Variants in EYA2 observed in about 807,000 individuals in gnomAD.
EYA2 encodes protein phosphatase EYA2.
In EYA2, 31 loss-of-function variants were observed where a neutral mutation model predicts 69.2. The ratio of observed to expected loss-of-function variants is 0.45; its 90% confidence interval spans 0.34 to 0.60. EYA2 has a LOEUF of 0.60. Among genes scored for constraint, EYA2 ranks in the 20% least tolerant of loss-of-function variants. EYA2 has a pLI of 0.02. For missense variants in EYA2, 622 were observed against 701.2 expected (o/e 0.89, Z 1.28); for synonymous variants, 257 against 279.4 (o/e 0.92, Z 0.80).
At chr20:46,926,882 A>C (rs1410686745) in intron 1 of EYA2, among the ~76,000 whole-genome samples, 2 of 152,222 alleles carry the variant, frequency 1.3e-5, no homozygotes, top group Non-Finnish European at 2.9e-5. Context: ...GTTGCTCTGC[A>C]TGTCCTGGGT....
intron 15 of EYA2, among the ~76,000 whole-genome samples, 186 bp from the exon 16 acceptor site, chr20:47,187,867 G>T (rs1292516717): frequency 1.3e-5 from 2 of 152,226 alleles, no homozygotes; most frequent in Non-Finnish European, 2.9e-5. Context: ...AATAGAAATG[G>T]TTGGCCATAC....
chr20:46,906,059 G>A (rs1735743020), intron 1 of EYA2, among the ~76,000 whole-genome samples: 1 of 152,118 alleles, frequency 6.6e-6, no homozygotes, highest in Non-Finnish European at 1.5e-5. Flanking sequence ...AATGTACATG[G>A]ACATTTTTTT....
intron 1 of EYA2, among the ~76,000 whole-genome samples, chr20:46,934,974 A>G (rs1985845687): frequency 6.6e-6 from 1 of 152,236 alleles, no homozygotes; most frequent in Non-Finnish European, 1.5e-5. Context: ...AGCAACTACT[A>G]TGTGAATAAG....
chr20:47,111,860 A>G (rs6018285), intron 9 of EYA2, among the ~76,000 whole-genome samples: 14,792 of 152,244 alleles, frequency 0.097, 2,029 homozygotes, highest in African/African-American at 0.31. Flanking sequence ...AACTCTGACT[A>G]GTAGCCCAAT....
chr20:47,043,087 G>C (rs893025753), intron 5 of EYA2, among the ~76,000 whole-genome samples: 2 of 152,212 alleles, frequency 1.3e-5, no homozygotes, highest in Admixed American at 6.5e-5. Flanking sequence ...TAATCCTTCA[G>C]ACCCCTTCCA....
Position 46,963,619 on chromosome 20 carries a change from C to T in EYA2, c.-10-26382C>T, listed in dbSNP as rs952051950. ...TTTAATGACAATGTCCAGGCCTTAT[C>T]CCCAGAAATGTCTGATTCATTTGGT... is the stretch of plus-strand genomic sequence containing the variant. On this transcript the variant is annotated intron_variant, in intron 1 of 15. Transcript: ENST00000327619. Among the ~76,000 whole-genome samples, 5 of 152,208 alleles carry T rather than the reference C, an allele frequency of 3.3e-5. 1 individual carries two copies. The highest frequency in any genetic ancestry group is 5.9e-5 in the Non-Finnish European group (4 of 68,048).
In EYA2 at chr20:47,127,108, T is replaced by TA. The variant is rs5841676; in HGVS notation, c.889-15940dup. 5.9e-3 allele frequency among the ~76,000 whole-genome samples: 883 copies of TA among 149,090 alleles called. 17 individuals carry two copies. The highest frequency in any genetic ancestry group is 0.02 in the African/African-American group (812 of 40,582). ...CCTCAAAATTAGGCTGAATCTCTTA[T>TA]AAAAAAAAAAAGTTAATTAATTAAC... On this transcript the variant is annotated intron_variant, in intron 9 of 15. Transcript: ENST00000327619.
intron 5 of EYA2, among the ~76,000 whole-genome samples, chr20:47,045,142 G>A (rs891064648): frequency 6.6e-6 from 1 of 152,188 alleles, no homozygotes; most frequent in Admixed American, 6.5e-5. Flanking sequence ...GGCTCAGCTA[G>A]GTGGTTTTCC....
At position 47,049,644 on chromosome 20, in the gene EYA2, C is replaced by T. The variant is rs533335477; in HGVS notation, c.416-22541C>T. Among the ~76,000 whole-genome samples, 37 of 152,258 alleles carry T rather than the reference C, an allele frequency of 2.4e-4. No homozygotes were observed. The East Asian group carries it at 5.6e-3, about 23-fold the overall frequency. On this transcript the variant is annotated intron_variant, in intron 5 of 15. Transcript: ENST00000327619. ...ACACACCTGTTCCAGCTTCGCCTTCCGCCATGAGTAAAAGCTCCCTGAGGC... is the reference window on the plus strand; with the variant it reads ...ACACACCTGTTCCAGCTTCGCCTTCTGCCATGAGTAAAAGCTCCCTGAGGC...
intron 4 of EYA2, among the ~76,000 whole-genome samples, chr20:47,014,428 CAG>C (rs1260121085): frequency 1.3e-5 from 2 of 152,118 alleles, no homozygotes; most frequent in Non-Finnish European, 2.9e-5. Context: ...ATAAGATAGA[CAG>C]AGATAAGCAA....
At chr20:47,044,413 A>T (rs946990202) in intron 5 of EYA2, among the ~76,000 whole-genome samples, 1 of 152,206 alleles carries the variant, frequency 6.6e-6, no homozygotes, top group Non-Finnish European at 1.5e-5. Context: ...GTCAATACTC[A>T]CAGTGAGAAA....
At position 46,922,541 on chromosome 20, in the gene EYA2, C is replaced by A. The variant is rs568577532; in HGVS notation, c.-11+27554C>A. ...AGAGCATCAAATAGTGAATTATAAA[C>A]CATTGAAAAAATACAAACCTATGAA... On this transcript the variant is annotated intron_variant, in intron 1 of 15. Transcript: ENST00000327619. 3.3e-5 allele frequency among the ~76,000 whole-genome samples: 5 copies of A among 152,242 alleles called. No homozygotes were observed. The South Asian group carries it at 6.2e-4, about 19-fold the overall frequency.
intron 5 of EYA2, among the ~76,000 whole-genome samples, chr20:47,057,367 AT>A (rs1326787137): frequency 6.6e-6 from 1 of 152,150 alleles, no homozygotes; most frequent in Non-Finnish European, 1.5e-5. Flanking sequence ...GAAATAGACT[AT>A]GAAGCCTGGG....
chr20:47,187,968 C>T (rs949905927), intron 15 of EYA2, 85 bp from the exon 16 acceptor site: 83 of 1,420,498 alleles, frequency 5.8e-5, no homozygotes, highest in Non-Finnish European at 7.3e-5. Flanking sequence ...ACTGGGTTGA[C>T]TTCTCACATG....
intron 12 of EYA2, among the ~76,000 whole-genome samples, chr20:47,176,367 A>G (rs2034427251): frequency 6.7e-6 from 1 of 149,824 alleles, no homozygotes; most frequent in African/African-American, 2.5e-5. Flanking sequence ...GGTATGAGCC[A>G]CCATGCCCGG....
chr20:47,041,194 A>G (rs1246693274), intron 5 of EYA2, among the ~76,000 whole-genome samples: 1 of 152,224 alleles, frequency 6.6e-6, no homozygotes, highest in African/African-American at 2.4e-5. Flanking sequence ...CTAGTGTTTA[A>G]AGAACCCTCT....
chr20:47,154,628 C>T (rs961166826), intron 10 of EYA2, among the ~76,000 whole-genome samples: 2 of 151,812 alleles, frequency 1.3e-5, no homozygotes, highest in Non-Finnish European at 2.9e-5. Flanking sequence ...TTTAGGAGCT[C>T]GTGCAGTGCC....
rs1174274194 is a variant in EYA2, at chr20:46,916,757, T to C, written c.-11+21770T>C. Among the ~76,000 whole-genome samples the C allele has an allele frequency of 1.3e-5, 2 of 152,144 alleles. 1 individual carries two copies. The highest frequency in any genetic ancestry group is 2.9e-5 in the Non-Finnish European group (2 of 68,020). On this transcript the variant is annotated intron_variant, in intron 1 of 15. Coordinates refer to ENST00000327619, the MANE Select transcript of EYA2 (RefSeq NM_005244.5). ...TCGGGGTGCTAGGCTTTACAAATGA[T>C]GCTCACTTTCTTCCCAGAGCAGATG... is the stretch of plus-strand genomic sequence containing the variant.
At chr20:47,010,856 C>T (rs1983018668) in intron 4 of EYA2, among the ~76,000 whole-genome samples, 1 of 148,926 alleles carries the variant, frequency 6.7e-6, no homozygotes, top group African/African-American at 2.5e-5. Flanking sequence ...GGCATGATCT[C>T]GGCTCACTGC....
Sources: gnomAD v4.1 joint callset for allele counts (sites outside exome capture counted in the v4.1 genomes callset) on GRCh38, gnomAD v4.1.1 for gene constraint, MANE v1.5 for transcripts, NCBI Gene and HGNC (gene_info 2026-07-23, HGNC 2026-07-21) for gene names.